MYPN: variants seen among roughly 807,000 people sequenced by gnomAD.
MYPN encodes the protein myopalladin.
MYPN carries 63 observed loss-of-function variants against 129.4 expected under a neutral mutation model. That is an observed-to-expected ratio of 0.49 (90% CI 0.40 to 0.60). The LOEUF (loss-of-function observed/expected upper bound fraction) is 0.60, where lower values mean the gene tolerates loss of function less well. MYPN is among the 20% of genes least tolerant of loss of function. MYPN has a pLI of 0.00. For synonymous variants in MYPN, 629 were observed against 600.9 expected (o/e 1.05, Z -0.68); for missense variants, 1,596 against 1,635.4 (o/e 0.98, Z 0.42).
intron 1 of MYPN, among the ~76,000 whole-genome samples, chr10:68,120,060 C>T (rs955378362): frequency 1.3e-5 from 2 of 152,128 alleles, no homozygotes; most frequent in Admixed American, 6.5e-5. Flanking sequence ...TTACTTTTTT[C>T]TCCACTTTCC....
In MYPN at chr10:68,161,769, CTTTAA is replaced by C. The variant is rs1213364666; in HGVS notation, c.1483+22_1483+26del. Reference sequence around the variant, plus strand: ...CAGAGCCAGGTAAAGATGATTTCAACTTTAATTTATTAGTATATGAGTGATTTTAT... The same window carrying C: ...CAGAGCCAGGTAAAGATGATTTCAACTTTATTAGTATATGAGTGATTTTAT... On this transcript the variant is annotated intron_variant, in intron 8 of 19. Coordinates refer to ENST00000358913, the MANE Select transcript of MYPN (RefSeq NM_032578.4). 3.1e-6 allele frequency: 5 copies of C among 1,594,064 alleles called. No homozygotes were observed. In the South Asian group the frequency reaches 4.4e-5, roughly 14 times the overall value.
chr10:68,102,618 T>C (rs1264996081), upstream of MYPN, among the ~76,000 whole-genome samples: 1 of 152,224 alleles, frequency 6.6e-6, no homozygotes, highest in Non-Finnish European at 1.5e-5. Flanking sequence ...AATATGGCTC[T>C]ATTGTTTTGC....
upstream of MYPN, among the ~76,000 whole-genome samples, chr10:68,108,925 A>G (rs1371190695): frequency 6.6e-6 from 1 of 152,092 alleles, no homozygotes; most frequent in Admixed American, 6.6e-5. Flanking sequence ...TTCGCCATGT[A>G]GGCCAGCCTG....
chr10:68,130,944 T>C (rs2042400985), intron 2 of MYPN, among the ~76,000 whole-genome samples: 1 of 152,204 alleles, frequency 6.6e-6, no homozygotes, highest in Non-Finnish European at 1.5e-5. Flanking sequence ...TCCATAAACG[T>C]ATGGGCTTTC....
At chr10:68,136,397 C>T in intron 2 of MYPN, 1 of 852,436 alleles carries the variant, frequency 1.2e-6, no homozygotes, top group Non-Finnish European at 1.5e-6. Flanking sequence ...GTTCTAAAAA[C>T]ATGCCACCGG....
chr10:68,160,745 C>T (rs1316262780), intron 7 of MYPN, among the ~76,000 whole-genome samples: 6 of 151,988 alleles, frequency 3.9e-5, no homozygotes, highest in Non-Finnish European at 8.8e-5. Context: ...GGTGAAACCC[C>T]GTCTCTACTA....
intron 1 of MYPN, among the ~76,000 whole-genome samples, chr10:68,096,944 G>A (rs924930210): frequency 1.3e-5 from 2 of 152,166 alleles, no homozygotes; most frequent in Admixed American, 1.3e-4. Context: ...CTATCACAAA[G>A]CACATAGCAT....
intron 13 of MYPN, among the ~76,000 whole-genome samples, chr10:68,190,375 C>T (rs550700558): frequency 1.7e-4 from 26 of 152,156 alleles, no homozygotes; most frequent in African/African-American, 5.8e-4. Flanking sequence ...TTAGTAGAGA[C>T]GGGGTTTCAC....
chr10:68,160,429 C>CAAAAAAAAAAA (rs56201900), intron 7 of MYPN, among the ~76,000 whole-genome samples: 1 of 62,074 alleles, frequency 1.6e-5, no homozygotes. Context: ...GACCTTATCT[C>CAAAAAAAAAAA]AAAAAAAAAA....
chr10:68,161,595 A>T, intron 7 of MYPN, 134 bp from the exon 8 acceptor site: 1 of 687,528 alleles, frequency 1.5e-6, no homozygotes, highest in Non-Finnish European at 2.5e-6. Flanking sequence ...CATCTTACTT[A>T]ATATTGTCAC....
At position 68,206,916 on chromosome 10, in the gene MYPN, C is replaced by T. The variant is rs187622020; in HGVS notation, c.3793+13C>T. On this transcript the variant is annotated intron_variant, in intron 19 of 19. Transcript: ENST00000358913. ...CTGGATATATACGGTAAGTGTAATG[C>T]TGTTAGTTGAACATCTGTATGCAAC... 3.1e-6 allele frequency: 5 copies of T among 1,614,050 alleles called. No individual in the cohort carries two copies. The Admixed American group carries it at 8.3e-5, about 27-fold the overall frequency.
chr10:68,210,257 C>T (rs755999674), intron 19 of MYPN, 29 bp from the exon 20 acceptor site: 9 of 1,611,972 alleles, frequency 5.6e-6, no homozygotes, highest in Non-Finnish European at 7.6e-6. Flanking sequence ...TTCCTTTGAT[C>T]ATAACACATT....
chr10:68,194,474 G>T lies in MYPN; in HGVS notation c.3037G>T (p.Asp1013Tyr). Residue 1013 changes from aspartate (D) to tyrosine (Y), a missense_variant, in exon 14 of 20, where the codon GAC becomes TAC. Coordinates refer to ENST00000358913, the MANE Select transcript of MYPN (RefSeq NM_032578.4). ...GCACATTGAATCCACTACCAGTGAT[G>T]ACGATGGCAACTACACCATCATGGC... ...SLHIESTTSDDDGNYTIMAAN... is the reference protein window; with the variant it reads ...SLHIESTTSDYDGNYTIMAAN... 1.2e-6 allele frequency: 2 copies of T among 1,613,894 alleles called. No homozygotes were observed. Among genetic ancestry groups the T allele is most frequent in the South Asian group, 1.1e-5 (1 of 91,062 alleles).
intron 8 of MYPN, among the ~76,000 whole-genome samples, chr10:68,164,634 G>C (rs1423718354): frequency 6.6e-6 from 1 of 152,166 alleles, no homozygotes; most frequent in Non-Finnish European, 1.5e-5. Flanking sequence ...GTTCAATGGA[G>C]TGATAACTGG....
At chr10:68,124,840 A>C (rs149203735) in intron 2 of MYPN, among the ~76,000 whole-genome samples, 1 of 152,042 alleles carries the variant, frequency 6.6e-6, no homozygotes, top group Non-Finnish European at 1.5e-5. Context: ...GGCGGTGTCT[A>C]CTCTTCTGCT....
intron 2 of MYPN, among the ~76,000 whole-genome samples, chr10:68,137,200 T>C (rs1363718061): frequency 6.6e-6 from 1 of 152,232 alleles, no homozygotes; most frequent in African/African-American, 2.4e-5. Flanking sequence ...GCATTGTTTT[T>C]CATTGTTCGC....
intron 1 of MYPN, 87 bp downstream of exon 1, chr10:68,109,810 G>C: frequency 2.6e-6 from 1 of 381,888 alleles, no homozygotes; most frequent in South Asian, 2.0e-5. Flanking sequence ...ACTCATTACT[G>C]TTACTTGAAA....
At chr10:68,178,308 G>C (rs16925232) in intron 12 of MYPN, among the ~76,000 whole-genome samples, 28,064 of 152,116 alleles carry the variant, frequency 0.18, 3,108 homozygotes, top group East Asian at 0.39. Context: ...AGATTTTTAG[G>C]CTGCATCATT....
At chr10:68,182,121 C>G (rs372620190) in intron 12 of MYPN, among the ~76,000 whole-genome samples, 1 of 151,280 alleles carries the variant, frequency 6.6e-6, no homozygotes, top group East Asian at 1.9e-4. Context: ...CACTTGTTTT[C>G]TGATATCTAG....
Sources: allele counts gnomAD v4.1 joint callset (sites outside exome capture counted in the v4.1 genomes callset), GRCh38; gene constraint gnomAD v4.1.1; transcripts MANE v1.5; gene names NCBI Gene and HGNC (gene_info 2026-07-23, HGNC 2026-07-21).